Variants in TMEM8B observed in about 807,000 individuals in gnomAD.
TMEM8B encodes the protein transmembrane protein 8B, also known as nasopharyngeal carcinoma expressed 6.
Under a neutral mutation model 49.3 loss-of-function variants are expected in TMEM8B, and 29 were observed. The ratio of observed to expected loss-of-function variants is 0.59; its 90% CI spans 0.44 to 0.80. The LOEUF (loss-of-function observed/expected upper bound fraction) is 0.80, where lower values mean the gene tolerates loss of function less well. TMEM8B is among the 30% of genes least tolerant of loss of function. TMEM8B has a pLI of 0.00. For missense variants in TMEM8B, 575 were observed against 658.5 expected, an observed-to-expected ratio of 0.87 and a Z score of 1.39; for synonymous variants, 264 against 272.8, an observed-to-expected ratio of 0.97 and a Z score of 0.32.
chr9:35,833,459 G>A lies in TMEM8B; in HGVS notation c.509-1002G>A, dbSNP rs565169373. On this transcript the variant is annotated intron_variant, in intron 1 of 12. Coordinates refer to ENST00000643932, the MANE Select transcript of TMEM8B (RefSeq NM_001042590.4). ...GACCCTCTTCCCCTGTCTGCTACTG[G>A]TTGCCTCCACTGTGACAGCTATTCT... is the stretch of plus-strand genomic sequence containing the variant. 22 of 657,180 alleles carry A rather than the reference G, an allele frequency of 3.3e-5. No homozygotes were observed. The African/African-American group carries it at 4.3e-4, about 13-fold the overall frequency. The allele number at this position is 657,180 out of a possible 1,614,324, so 40.7% of individuals were successfully genotyped here. A position where few individuals can be genotyped will look rare whatever the true frequency, so the allele number is the denominator to read the frequency against.
chr9:35,851,107 C>T (rs1832089044), intron 10 of TMEM8B, among the ~76,000 whole-genome samples: 1 of 152,098 alleles, frequency 6.6e-6, no homozygotes, highest in Non-Finnish European at 1.5e-5. Context: ...AATTACTTAA[C>T]CATTTTTATT....
chr9:35,842,048 C>T lies in TMEM8B; in HGVS notation c.1309+254C>T, dbSNP rs1831059980. Among the ~76,000 whole-genome samples, 1 of 152,170 alleles carries T rather than the reference C, an allele frequency of 6.6e-6. No homozygotes were observed. Among genetic ancestry groups the T allele is most frequent in the Non-Finnish European group, 1.5e-5 (1 of 68,030 alleles). ...TTCTTTGATTTAATCTCTCAGTTTC[C>T]TGGGGTAGGCAGGGACATCCAGGAC... On this transcript the variant is annotated intron_variant, in intron 5 of 12. Transcript: ENST00000643932. This position sits in a 1 kb window ranked among gnomAD's most constrained non-coding sequence, Gnocchi z 5.6.
Position 35,861,571 on chromosome 9 carries a change from C to G in TMEM8B, c.*7731C>G, listed in dbSNP as rs148153186. On this transcript the variant is annotated 3_prime_UTR_variant, in exon 13 of 13. Coordinates refer to ENST00000643932, the MANE Select transcript of TMEM8B (RefSeq NM_001042590.4). Reference sequence around the variant, plus strand: ...AGCAAGTGCTGCCAATAGCAGGCACCCAGCAGATAGCGAATGCACGACTCC... The same window carrying G: ...AGCAAGTGCTGCCAATAGCAGGCACGCAGCAGATAGCGAATGCACGACTCC... The G allele has an allele frequency of 6.5e-6, 1 of 152,748 alleles. No homozygotes were observed. Among genetic ancestry groups the G allele is most frequent in the Non-Finnish European group, 1.5e-5 (1 of 68,338 alleles). The allele number at this position is 152,748 out of a possible 1,614,324, so 9.5% of individuals were successfully genotyped here. A position where few individuals can be genotyped will look rare whatever the true frequency, so the allele number is the denominator to read the frequency against.
intron 3 of TMEM8B, among the ~76,000 whole-genome samples, chr9:35,837,913 G>T (rs577247647): frequency 3.3e-5 from 5 of 152,082 alleles, no homozygotes; most frequent in Non-Finnish European, 7.4e-5. Flanking sequence ...CACCCAAATG[G>T]CTCATGAGGG....
In TMEM8B at chr9:35,846,934, C is replaced by G. The variant is rs774178066; in HGVS notation, c.2114C>G (p.Ala705Gly). ...ATGTTTCTGCCACCTGTGGTCCTGG[C>G]CATTCGGAGTCGATATGTGCTGGAA... ...NLMFLPPVVL[A>G]IRSRYVLEAA... is the part of the protein sequence containing the mutation. The change falls in exon 10 of 13, where the codon GCC (alanine) becomes GGC (glycine). Residue 705 changes from alanine to glycine, a missense_variant. Physicochemically the swap from Ala to Gly is moderately conservative, Grantham distance 60. Transcript: ENST00000643932. The G allele has an allele frequency of 6.2e-7, 1 of 1,614,220 alleles. No homozygotes were observed. Among genetic ancestry groups the G allele is most frequent in the Non-Finnish European group, 8.5e-7 (1 of 1,180,042 alleles).
intron 1 of TMEM8B, chr9:35,833,279 T>G: frequency 2.0e-6 from 2 of 984,712 alleles, no homozygotes; most frequent in Non-Finnish European, 2.4e-6. Context: ...GTAGTCCTTA[T>G]TCCAGCCCCG....
chr9:35,839,022 G>A (rs1039667871), intron 3 of TMEM8B, among the ~76,000 whole-genome samples: 2 of 152,266 alleles, frequency 1.3e-5, no homozygotes, highest in African/African-American at 2.4e-5. Context: ...TCCAGCACTC[G>A]TTTGCTTCTA....
rs1319782673 is a variant in TMEM8B, at chr9:35,857,214, G to A, written c.*3374G>A. ...ATTCAGTCCCGCAAACCTTCCATAG[G>A]GAACATGCTGTGGGAGCTACAGAGA... On this transcript the variant is annotated 3_prime_UTR_variant, in exon 13 of 13. Coordinates refer to ENST00000643932, the MANE Select transcript of TMEM8B (RefSeq NM_001042590.4). 1 of 152,262 alleles carries A rather than the reference G, an allele frequency of 6.6e-6. No homozygotes were observed. Among genetic ancestry groups the A allele is most frequent in the Non-Finnish European group, 1.5e-5 (1 of 68,074 alleles). 9.4% of individuals were successfully genotyped at this position (152,262 alleles called of 1,614,324 possible).
intron 10 of TMEM8B, among the ~76,000 whole-genome samples, chr9:35,847,723 A>G (rs1588169281): frequency 6.6e-6 from 1 of 152,170 alleles, no homozygotes; most frequent in Non-Finnish European, 1.5e-5. Context: ...ATGAAGATTA[A>G]TATAGTTTAA....
chr9:35,835,439 C>G (rs1359339776), intron 3 of TMEM8B: 2 of 383,264 alleles, frequency 5.2e-6, no homozygotes, highest in Non-Finnish European at 9.3e-6. Flanking sequence ...ATGCTGGGTC[C>G]AGGTAAGCTG....
At position 35,829,424 on chromosome 9, in the gene TMEM8B, C is replaced by G. The variant is rs1554678637; in HGVS notation, c.-24C>G. 2.9e-6 allele frequency: 1 copy of G among 345,246 alleles called. No homozygotes were observed. Among genetic ancestry groups the G allele is most frequent in the Non-Finnish European group, 5.2e-6 (1 of 192,888 alleles). The allele number at this position is 345,246 out of a possible 1,614,324, so 21.4% of individuals were successfully genotyped here. ...CTGCGAGCGCCCCGCGCTGGCCTGT[C>G]CGGCCCCGCCCCCGCCCCGGGCCAT... is the stretch of plus-strand genomic sequence containing the variant. On this transcript the variant is annotated 5_prime_UTR_variant, in exon 1 of 13. Transcript: ENST00000643932.
At chr9:35,848,581 C>G (rs1355184377) in intron 10 of TMEM8B, among the ~76,000 whole-genome samples, 3 of 152,088 alleles carry the variant, frequency 2.0e-5, no homozygotes, top group Non-Finnish European at 2.9e-5. Flanking sequence ...TGGCTGTCAG[C>G]CTGAAAAGAC....
rs574798439 is a variant in TMEM8B at position 35,856,751 on chromosome 9, G to A, written c.*2911G>A. On this transcript the variant is annotated 3_prime_UTR_variant, in exon 13 of 13. Transcript: ENST00000643932. ...TTGGGTGTGTGGGGTGGTGAGGTATGAGAGAGCCTAGGATGATGGTGATAT... is the reference window on the plus strand; with the variant it reads ...TTGGGTGTGTGGGGTGGTGAGGTATAAGAGAGCCTAGGATGATGGTGATAT... 6.6e-6 allele frequency: 1 copy of A among 152,444 alleles called. No homozygotes were observed. Among genetic ancestry groups the A allele is most frequent in the East Asian group, 1.9e-4 (1 of 5,192 alleles). 9.4% of individuals were successfully genotyped at this position (152,444 alleles called of 1,614,324 possible). A position where few individuals can be genotyped will look rare whatever the true frequency, so the allele number is the denominator to read the frequency against.
chr9:35,863,264 AGGAGAAG>A lies in TMEM8B; in HGVS notation c.*9427_*9433del, dbSNP rs1230934810. On this transcript the variant is annotated 3_prime_UTR_variant, in exon 13 of 13. Transcript: ENST00000643932. The stretch of plus-strand genomic sequence containing the variant: ...GAATGATACAGCTATTGTGATTGCT[AGGAGAAG>A]GGCTTTGGGCAGTGCCAGTCTCCTG... 6.6e-6 allele frequency: 1 copy of A among 152,212 alleles called. No homozygotes were observed. Among genetic ancestry groups the A allele is most frequent in the African/African-American group, 2.4e-5 (1 of 41,438 alleles). The allele number at this position is 152,212 out of a possible 1,614,324, so 9.4% of individuals were successfully genotyped here. A position where few individuals can be genotyped will look rare whatever the true frequency, so the allele number is the denominator to read the frequency against.
At chr9:35,847,848 A>G (rs1831759229) in intron 10 of TMEM8B, among the ~76,000 whole-genome samples, 1 of 152,212 alleles carries the variant, frequency 6.6e-6, no homozygotes, top group Non-Finnish European at 1.5e-5. Context: ...AAGGAAAGGT[A>G]GAGAAGTGAG....
intron 10 of TMEM8B, among the ~76,000 whole-genome samples, chr9:35,851,042 C>T (rs1307604091): frequency 6.6e-6 from 1 of 152,174 alleles, no homozygotes; most frequent in Non-Finnish European, 1.5e-5. Context: ...CCCAATGAAT[C>T]AGCACATACA....
rs1256287220 is a variant in TMEM8B at position 35,857,198 on chromosome 9, C to T, written c.*3358C>T. The T allele has an allele frequency of 6.6e-6, 1 of 152,248 alleles. No individual in the cohort carries two copies. Among genetic ancestry groups the T allele is most frequent in the African/African-American group, 2.4e-5 (1 of 41,458 alleles). 9.4% of individuals were successfully genotyped at this position (152,248 alleles called of 1,614,324 possible). ...AAGCTTCTGAGTGACAATTCAGTCC[C>T]GCAAACCTTCCATAGGGAACATGCT... On this transcript the variant is annotated 3_prime_UTR_variant, in exon 13 of 13. Coordinates refer to ENST00000643932, the MANE Select transcript of TMEM8B (RefSeq NM_001042590.4).
Position 35,829,432 on chromosome 9 carries a change from G to GC in TMEM8B, c.-11dup. On this transcript the variant is annotated 5_prime_UTR_variant, in exon 1 of 13. Coordinates refer to ENST00000643932, the MANE Select transcript of TMEM8B (RefSeq NM_001042590.4). ...GCCCCGCGCTGGCCTGTCCGGCCCC[G>GC]CCCCCGCCCCGGGCCATGGCCCAGC... 33 of 240,948 alleles carry GC rather than the reference G, an allele frequency of 1.4e-4. No individual in the cohort carries two copies. The highest frequency in any genetic ancestry group is 1.8e-4 in the East Asian group (3 of 16,700). The allele number at this position is 240,948 out of a possible 1,614,324, so 14.9% of individuals were successfully genotyped here. A position where few individuals can be genotyped will look rare whatever the true frequency, so the allele number is the denominator to read the frequency against.
intron 6 of TMEM8B, 58 bp from the exon 7 acceptor site, chr9:35,845,917 T>TTAACA: frequency 6.2e-7 from 1 of 1,608,058 alleles, no homozygotes; most frequent in African/African-American, 1.3e-5. Context: ...AGTCTGAGGG[T>TTAACA]GGCGGTGGGT....
Sources: allele counts gnomAD v4.1 joint callset (sites outside exome capture counted in the v4.1 genomes callset), GRCh38; gene constraint gnomAD v4.1.1; non-coding constraint Gnocchi (gnomAD v3.1); transcripts MANE v1.5; gene names NCBI Gene and HGNC (gene_info 2026-07-23, HGNC 2026-07-21).